The following HDAC8 variants were observed in gnomAD, a reference collection of about 807,000 sequenced individuals.
HDAC8 encodes histone deacetylase-like 1.
A neutral mutation model predicts 32.2 loss-of-function variants in HDAC8; 1 was observed. The ratio of observed to expected loss-of-function variants is 0.03; its 90% CI spans 0.01 to 0.15. The LOEUF is 0.15. HDAC8 is among the 10% of genes least tolerant of loss of function. The pLI, the probability that HDAC8 is intolerant of heterozygous loss-of-function variation, is 1.00. For missense variants in HDAC8, 117 were observed against 300.0 expected (o/e 0.39, Z 4.51); for synonymous variants, 108 against 113.9 (o/e 0.95, Z 0.33).
At chrX:72,393,720 G>A (rs1555964680) in intron 9 of HDAC8, among the ~76,000 whole-genome samples, 1 of 111,523 alleles carries the variant, frequency 9.0e-6, no homozygotes, top group Admixed American at 9.5e-5. Flanking sequence ...CCCACTCCCC[G>A]ATGCCCTGGT....
chrX:72,383,666 C>T (rs904995226), intron 9 of HDAC8, among the ~76,000 whole-genome samples: 4 of 110,045 alleles, frequency 3.6e-5, no homozygotes, highest in East Asian at 2.8e-4. Flanking sequence ...GTCAGGAGAT[C>T]GAGACCACCC....
intron 9 of HDAC8, among the ~76,000 whole-genome samples, chrX:72,373,882 G>A (rs2044963677): frequency 8.9e-6 from 1 of 111,928 alleles, no homozygotes; most frequent in Non-Finnish European, 1.9e-5. Flanking sequence ...TTTGATTATT[G>A]TCATCCTAGT....
intron 5 of HDAC8, 51 bp downstream of exon 5, chrX:72,495,105 T>A (rs782513013): frequency 1.1e-6 from 1 of 908,158 alleles, no homozygotes; most frequent in Non-Finnish European, 1.6e-6. Context: ...GCTTAACTGA[T>A]AAAAACCTGC....
At chrX:72,347,070 C>T (rs2044050785) in intron 10 of HDAC8, among the ~76,000 whole-genome samples, 1 of 111,971 alleles carries the variant, frequency 8.9e-6, no homozygotes, top group South Asian at 3.8e-4. Flanking sequence ...CACTCCACTG[C>T]TTATTAGCAC....
intron 9 of HDAC8, among the ~76,000 whole-genome samples, chrX:72,382,054 T>C (rs1555960001): frequency 1.8e-5 from 2 of 112,534 alleles, no homozygotes; most frequent in African/African-American, 6.5e-5. Context: ...TGGATTGGAT[T>C]CTGAGCTAGT....
At chrX:72,357,666 G>A (rs1321019588) in intron 9 of HDAC8, among the ~76,000 whole-genome samples, 1 of 110,438 alleles carries the variant, frequency 9.1e-6, no homozygotes, top group South Asian at 4.0e-4. Context: ...GAGTGATGAC[G>A]GGAATACAGT....
chrX:72,358,951 T>C (rs144049222), intron 9 of HDAC8, among the ~76,000 whole-genome samples: 1,238 of 111,982 alleles, frequency 0.011, 7 homozygotes, highest in Non-Finnish European at 0.018. Context: ...GGAGCTCAGA[T>C]GGTAATGCTC....
chrX:72,552,635 C>T (rs2051119662), intron 4 of HDAC8, among the ~76,000 whole-genome samples: 2 of 108,557 alleles, frequency 1.8e-5, no homozygotes, highest in South Asian at 8.2e-4. Flanking sequence ...AAAAATTTAG[C>T]TAGGTGTGGT....
At chrX:72,451,895 A>G (rs1555987537) in intron 9 of HDAC8, among the ~76,000 whole-genome samples, 1 of 112,436 alleles carries the variant, frequency 8.9e-6, no homozygotes, top group Non-Finnish European at 1.9e-5. Flanking sequence ...ACCTGGAAGT[A>G]ATCCCTGGAC....
intron 7 of HDAC8, among the ~76,000 whole-genome samples, chrX:72,488,307 G>A (rs781882802): frequency 2.5e-4 from 28 of 110,784 alleles, no homozygotes; most frequent in Non-Finnish European, 5.1e-4. Context: ...ACTTGTGCCT[G>A]ACCAATCTCA....
chrX:72,445,869 G>A (rs1326216647), intron 9 of HDAC8, among the ~76,000 whole-genome samples: 2 of 111,934 alleles, frequency 1.8e-5, no homozygotes, highest in Non-Finnish European at 3.8e-5. Context: ...CAAAAAGTGG[G>A]TGAAGGATAT....
intron 10 of HDAC8, among the ~76,000 whole-genome samples, chrX:72,335,467 C>T (rs1369060890): frequency 4.5e-5 from 5 of 111,928 alleles, no homozygotes; most frequent in South Asian, 3.7e-4. Context: ...AAGTTTCCTC[C>T]ATGTCTTTTT....
chrX:72,431,546 T>C (rs949347623), intron 9 of HDAC8, among the ~76,000 whole-genome samples: 4 of 110,886 alleles, frequency 3.6e-5, no homozygotes, highest in Non-Finnish European at 7.6e-5. Flanking sequence ...TTGATTGTGA[T>C]TTTTTTTCTT....
intron 4 of HDAC8, among the ~76,000 whole-genome samples, chrX:72,502,599 C>A (rs1556016743): frequency 9.0e-6 from 1 of 111,130 alleles, no homozygotes; most frequent in Admixed American, 9.6e-5. Context: ...TTACAAGTAT[C>A]CCCGAACCTA....
intron 4 of HDAC8, among the ~76,000 whole-genome samples, chrX:72,521,771 G>A (rs1370737088): frequency 9.0e-6 from 1 of 110,945 alleles, no homozygotes; most frequent in Non-Finnish European, 1.9e-5. Context: ...TCCTCAGCCT[G>A]TTCTTTTTAC....
At chrX:72,500,624 C>A in intron 4 of HDAC8, among the ~76,000 whole-genome samples, 1 of 111,839 alleles carries the variant, frequency 8.9e-6, no homozygotes. Context: ...GAACATATCT[C>A]AAAATAATAA....
At chrX:72,440,104 C>T (rs367856751) in intron 9 of HDAC8, among the ~76,000 whole-genome samples, 6 of 111,936 alleles carry the variant, frequency 5.4e-5, no homozygotes, top group East Asian at 5.6e-4. Context: ...TGCAAAAGAA[C>T]GGAAATCATA....
intron 4 of HDAC8, among the ~76,000 whole-genome samples, chrX:72,542,714 G>A (rs188863749): frequency 1.8e-5 from 2 of 112,146 alleles, no homozygotes; most frequent in African/African-American, 6.5e-5. Flanking sequence ...AGCTGCTGCT[G>A]TAGGAGGTCT....
intron 9 of HDAC8, among the ~76,000 whole-genome samples, chrX:72,392,519 C>A (rs782780197): frequency 1.8e-5 from 2 of 112,009 alleles, no homozygotes; most frequent in African/African-American, 3.2e-5. Flanking sequence ...GTGTTGAGCA[C>A]AATTCAAATG....
Sources: gnomAD v4.1 joint callset for allele counts (sites outside exome capture counted in the v4.1 genomes callset) on GRCh38, gnomAD v4.1.1 for gene constraint, MANE v1.5 for transcripts, NCBI Gene and HGNC (gene_info 2026-07-23, HGNC 2026-07-21) for gene names.